The following PHF24 variants were observed in gnomAD, a reference collection of about 807,000 sequenced individuals.
PHF24 encodes PHD finger protein 24, also known as Galpha inhibitory interacting protein.
In PHF24, 25 loss-of-function variants were observed where a neutral mutation model predicts 42.6. The ratio of observed to expected loss-of-function variants is 0.59; its 90% CI spans 0.43 to 0.82. The LOEUF is 0.82. Among genes scored for constraint, PHF24 ranks in the 40% least tolerant of loss-of-function variants. The pLI is 0.00. For missense variants in PHF24, 470 were observed against 538.1 expected (o/e 0.87, Z 1.25); for synonymous variants, 185 against 204.8 (o/e 0.90, Z 0.83).
the PHF24 span, among the ~76,000 whole-genome samples, chr9:34,727,742 T>C: frequency 6.6e-6 from 1 of 152,228 alleles, no homozygotes; most frequent in Non-Finnish European, 1.5e-5. Context: ...CATGGCTGAG[T>C]GCAGCTCCAT....
the PHF24 span, among the ~76,000 whole-genome samples, chr9:34,878,010 A>G: frequency 6.6e-6 from 1 of 152,230 alleles, no homozygotes; most frequent in Non-Finnish European, 1.5e-5. Context: ...CAGAACCCAC[A>G]GCATGTATAA....
At chr9:34,953,669 G>A (rs915394867), upstream of PHF24, among the ~76,000 whole-genome samples, 22 of 152,148 alleles carry the variant, frequency 1.4e-4, no homozygotes, top group African/African-American at 5.3e-4. The surrounding 1 kb of genome is among the most constrained non-coding windows in gnomAD (Gnocchi z 4.1). Context: ...TTTAGGCTAG[G>A]TGTGGCGGTT....
chr9:34,795,310 G>C, the PHF24 span, among the ~76,000 whole-genome samples: 1 of 151,778 alleles, frequency 6.6e-6, no homozygotes, highest in Non-Finnish European at 1.5e-5. Context: ...CCTTTAAAAT[G>C]CTAAAAGAAA....
the PHF24 span, among the ~76,000 whole-genome samples, chr9:34,843,041 T>C: frequency 6.6e-6 from 1 of 152,228 alleles, no homozygotes; most frequent in Non-Finnish European, 1.5e-5. Context: ...CAAACATTTT[T>C]CCTATTGTGT....
chr9:34,978,186 C>T, exon 8 of PHF24: 1 of 1,163,904 alleles, frequency 8.6e-7, no homozygotes, highest in Non-Finnish European at 1.3e-6. Context: ...CCCCACCAAC[C>T]TCTGGCACAG....
At chr9:34,976,619 A>G (rs1484575079) in exon 5 of PHF24, 1 of 1,614,042 alleles carries the variant, frequency 6.2e-7, no homozygotes, top group East Asian at 2.2e-5. Flanking sequence ...CTGAGTGAGG[A>G]GCAAGAAGAG....
the PHF24 span, among the ~76,000 whole-genome samples, chr9:34,748,792 T>A: frequency 6.6e-6 from 1 of 152,114 alleles, no homozygotes; most frequent in African/African-American, 2.4e-5. Flanking sequence ...CAATGCCTAA[T>A]GCACTGGTGA....
At chr9:34,890,463 C>T in the PHF24 span, among the ~76,000 whole-genome samples, 516 of 152,270 alleles carry the variant, frequency 3.4e-3, 1 homozygote, top group South Asian at 0.018. Flanking sequence ...GTCATGTCTC[C>T]ACTGGGTGTG....
the PHF24 span, among the ~76,000 whole-genome samples, chr9:34,948,248 T>C: frequency 6.6e-6 from 1 of 152,002 alleles, no homozygotes; most frequent in Admixed American, 6.6e-5. Context: ...TTTTAAAAAT[T>C]GAAAAGTGTA....
chr9:34,775,141 G>A, the PHF24 span, among the ~76,000 whole-genome samples: 1 of 152,058 alleles, frequency 6.6e-6, no homozygotes, highest in African/African-American at 2.4e-5. Flanking sequence ...ACCAAAAGGT[G>A]GAAACAATCC....
the PHF24 span, chr9:34,922,915 T>C: frequency 6.6e-7 from 1 of 1,514,478 alleles, no homozygotes; most frequent in Non-Finnish European, 9.0e-7. Context: ...AGCTCATTTT[T>C]ATCCATTACT....
the PHF24 span, among the ~76,000 whole-genome samples, chr9:34,686,068 C>T: frequency 6.6e-6 from 1 of 152,140 alleles, no homozygotes; most frequent in East Asian, 1.9e-4. Context: ...ACCTGGTAAG[C>T]GTCAGTGGTG....
chr9:34,709,665 C>T, the PHF24 span: 16 of 1,614,032 alleles, frequency 9.9e-6, no homozygotes, highest in South Asian at 5.5e-5. Context: ...TGCCTGAGAG[C>T]GCTTGCGGGG....
At chr9:34,944,334 A>G in the PHF24 span, among the ~76,000 whole-genome samples, 1 of 152,236 alleles carries the variant, frequency 6.6e-6, no homozygotes, top group Non-Finnish European at 1.5e-5. Flanking sequence ...GCTTCTGCCA[A>G]TATGTGATAG....
the PHF24 span, among the ~76,000 whole-genome samples, chr9:34,937,580 C>T: frequency 1.3e-5 from 2 of 151,794 alleles, no homozygotes; most frequent in Non-Finnish European, 2.9e-5. Flanking sequence ...TGCTAACCCT[C>T]CCTCCACTAT....
At chr9:34,814,311 G>A in the PHF24 span, among the ~76,000 whole-genome samples, 2 of 152,154 alleles carry the variant, frequency 1.3e-5, no homozygotes, top group Non-Finnish European at 2.9e-5. Context: ...TCACCGTTGA[G>A]AGAGGCAACC....
the PHF24 span, chr9:34,922,306 A>C: frequency 6.3e-7 from 1 of 1,592,244 alleles, no homozygotes; most frequent in Non-Finnish European, 8.6e-7. Flanking sequence ...TCTTCACTTA[A>C]TGTATCAAGT....
chr9:34,825,813 C>T, the PHF24 span, among the ~76,000 whole-genome samples: 1 of 152,140 alleles, frequency 6.6e-6, no homozygotes, highest in Non-Finnish European at 1.5e-5. Flanking sequence ...TGCCCTGGCC[C>T]CTCACCGTAT....
the PHF24 span, among the ~76,000 whole-genome samples, chr9:34,762,890 G>A: frequency 6.6e-6 from 1 of 152,132 alleles, no homozygotes; most frequent in Non-Finnish European, 1.5e-5. Context: ...TGTAAGGAAG[G>A]GATCCAGTTT....
Sources: gnomAD v4.1 joint callset for allele counts (sites outside exome capture counted in the v4.1 genomes callset) on GRCh38, gnomAD v4.1.1 for gene constraint, Gnocchi (gnomAD v3.1) non-coding constraint, MANE v1.5 for transcripts, NCBI Gene and HGNC (gene_info 2026-07-23, HGNC 2026-07-21) for gene names.